Variants in USP9X observed in about 807,000 individuals in gnomAD.
USP9X encodes ubiquitin carboxyl-terminal hydrolase 9X.
A neutral mutation model predicts 190.3 loss-of-function variants in USP9X; 7 were observed. The ratio of observed to expected loss-of-function variants is 0.04; its 90% confidence interval spans 0.02 to 0.07. The LOEUF (loss-of-function observed/expected upper bound fraction) is 0.07. Among genes scored for constraint, USP9X ranks in the 10% least tolerant of loss-of-function variants. USP9X has a pLI of 1.00. For missense variants in USP9X, 1,010 were observed against 1,916.9 expected (o/e 0.53, Z 8.83); for synonymous variants, 645 against 659.5 (o/e 0.98, Z 0.34).
chrX:41,110,712 G>A (rs944874577), intron 1 of USP9X, among the ~76,000 whole-genome samples: 3 of 112,083 alleles, frequency 2.7e-5, no homozygotes, highest in Non-Finnish European at 5.6e-5. Context: ...TTTGAGGTGT[G>A]TCAACCTGGC....
rs73480436 is a variant in USP9X, at chrX:41,167,433, C to A, written c.2329-49C>A. ...ATATGGTTTGAATTTAAATGCCCAA[C>A]AAAAATATATGTTGAAAGGGATGAA... is the stretch of plus-strand genomic sequence containing the variant. On this transcript the variant is annotated intron_variant, in intron 16 of 44. Transcript: ENST00000378308. The A allele has an allele frequency of 1.7e-4, 177 of 1,066,797 alleles. No individual in the cohort carries two copies. The African/African-American group carries it at 3.1e-3, about 19-fold the overall frequency. The allele number at this position is 1,066,797 out of a possible 1,213,427, so 87.9% of individuals were successfully genotyped here. A position where few individuals can be genotyped will look rare whatever the true frequency, so the allele number is the denominator to read the frequency against.
At position 41,143,690 on chromosome X, in the gene USP9X, A is replaced by G. The variant is rs185448407; in HGVS notation, c.1314+247A>G. Reference sequence around the variant, plus strand: ...AGTGGTTTTAAATAAAGATGCAAACAGTAAAATCATAAGGAATGTCTATTG... The same window carrying G: ...AGTGGTTTTAAATAAAGATGCAAACGGTAAAATCATAAGGAATGTCTATTG... On this transcript the variant is annotated intron_variant, in intron 10 of 44. Transcript: ENST00000378308. Among the ~76,000 whole-genome samples the G allele has an allele frequency of 8.9e-5, 10 of 112,369 alleles. No individual in the cohort carries two copies. The East Asian group carries it at 2.8e-3, about 31-fold the overall frequency.
intron 14 of USP9X, among the ~76,000 whole-genome samples, chrX:41,162,281 A>T (rs1277676176): frequency 2.7e-5 from 3 of 112,463 alleles, no homozygotes; most frequent in African/African-American, 9.7e-5. Flanking sequence ...CACATTCTGG[A>T]CATTAACATG....
In USP9X at chrX:41,141,215, T is replaced by C. The variant is rs1256459138; in HGVS notation, c.1020T>C (p.Leu340=). ...NLEIFRLKMI[L]RLLQISSFNG... ...AAATATTTAGGTTAAAAATGATACTTAGGTAAGATACTTACCTCTTGAAAT... is the reference window on the plus strand; with the variant it reads ...AAATATTTAGGTTAAAAATGATACTCAGGTAAGATACTTACCTCTTGAAAT... The change falls in exon 8 of 45, where the codon CTT becomes CTC. Residue 340 remains leucine, a splice_region_variant and synonymous_variant. Coordinates refer to ENST00000378308, the MANE Select transcript of USP9X (RefSeq NM_001039591.3). The C allele has an allele frequency of 1.7e-6, 2 of 1,186,786 alleles. No homozygotes were observed. The highest frequency in any genetic ancestry group is 2.3e-6 in the Non-Finnish European group (2 of 883,290).
At chrX:41,215,862 A>G in intron 34 of USP9X, 37 bp from the exon 35 acceptor site, 3 of 1,144,398 alleles carry the variant, frequency 2.6e-6, no homozygotes, top group Non-Finnish European at 3.5e-6. Flanking sequence ...TGTGGATTTT[A>G]ATAGAACATC....
In USP9X at chrX:41,232,670, G is replaced by A. The variant is rs1404257511; in HGVS notation, c.*146G>A. The A allele has an allele frequency of 3.7e-6, 3 of 808,931 alleles. No homozygotes were observed. Among genetic ancestry groups the A allele is most frequent in the Non-Finnish European group, 5.1e-6 (3 of 587,579 alleles). The allele number at this position is 808,931 out of a possible 1,213,427, so 66.7% of individuals were successfully genotyped here. On this transcript the variant is annotated 3_prime_UTR_variant, in exon 45 of 45. Transcript: ENST00000378308. ...GAGTTTATTCACTGTCTTATCTGCAGAAATTTGCTGTCAATATATAACCCG... is the reference window on the plus strand; with the variant it reads ...GAGTTTATTCACTGTCTTATCTGCAAAAATTTGCTGTCAATATATAACCCG...
At chrX:41,163,109 A>C (rs182440653) in intron 15 of USP9X, among the ~76,000 whole-genome samples, 1 of 112,047 alleles carries the variant, frequency 8.9e-6, no homozygotes, top group African/African-American at 3.2e-5. Flanking sequence ...TTCGTTCTTC[A>C]TATCTGTTTA....
At chrX:41,221,474 T>G (rs1043947677) in intron 38 of USP9X, among the ~76,000 whole-genome samples, 1 of 110,619 alleles carries the variant, frequency 9.0e-6, no homozygotes, top group African/African-American at 3.3e-5. Flanking sequence ...CCTGAAGGGA[T>G]TTGGGGAGTG....
At chrX:41,152,255 G>GT (rs1390000746) in intron 13 of USP9X, among the ~76,000 whole-genome samples, 2 of 111,998 alleles carry the variant, frequency 1.8e-5, no homozygotes, top group African/African-American at 6.5e-5. Flanking sequence ...CATATTTTGA[G>GT]TATGTTTGGC....
At chrX:41,114,925 T>C (rs2062136057) in intron 1 of USP9X, among the ~76,000 whole-genome samples, 2 of 110,817 alleles carry the variant, frequency 1.8e-5, no homozygotes. Flanking sequence ...TTCTGAGGAA[T>C]CAAAAGTTAT....
chrX:41,186,560 C>A lies in USP9X; in HGVS notation c.3602C>A (p.Ala1201Asp). 1 of 1,210,609 alleles carries A rather than the reference C, an allele frequency of 8.3e-7. No individual in the cohort carries two copies. The highest frequency in any genetic ancestry group is 1.7e-5 in the African/African-American group (1 of 57,726). The change falls in exon 24 of 45, where the codon GCC becomes GAC. Residue 1201 changes from alanine to aspartate, a missense_variant. Coordinates refer to ENST00000378308, the MANE Select transcript of USP9X (RefSeq NM_001039591.3). ...GATCAAGCAGTGGTGCTACAAAGTG[C>A]CCTTCAGAGCATTCCTAATCCATCA... ...THDQAVVLQSALQSIPNPSSE... is the reference protein window; with the variant it reads ...THDQAVVLQSDLQSIPNPSSE...
At position 41,129,071 on chromosome X, in the gene USP9X, C is replaced by T. The variant is rs764502867; in HGVS notation, c.168C>T (p.Ala56=). 1 of 1,210,185 alleles carries T rather than the reference C, an allele frequency of 8.3e-7. No homozygotes were observed. Among genetic ancestry groups the T allele is most frequent in the Non-Finnish European group, 1.1e-6 (1 of 894,646 alleles). Residue 56 remains alanine (A), a synonymous_variant, in exon 3 of 45, where the codon GCC becomes GCT. Transcript: ENST00000378308. ...CAGATGAGCAAGGTCAAGGTGATGC[C>T]CCACCACAGCTTGAAGATGAGGAAC... ...TPPDEQGQGD[A]PPQLEDEEPA... is the part of the protein sequence containing the mutation.
chrX:41,232,196 T>A (rs1387780266), intron 44 of USP9X, among the ~76,000 whole-genome samples, 191 bp from the exon 45 acceptor site: 1 of 103,890 alleles, frequency 9.6e-6, no homozygotes, highest in Non-Finnish European at 2.0e-5. Flanking sequence ...GGGGTTTGCA[T>A]TTACACTACG....
At chrX:41,157,247 C>G (rs2239497) in intron 14 of USP9X, among the ~76,000 whole-genome samples, 22,519 of 110,479 alleles carry the variant, frequency 0.2, 1,788 homozygotes, top group East Asian at 0.41. Context: ...GGAAGACTTG[C>G]TGCATCCTTG....
At chrX:41,134,870 T>A in intron 5 of USP9X, 33 bp downstream of exon 5, 2 of 1,074,663 alleles carry the variant, frequency 1.9e-6, no homozygotes, top group Non-Finnish European at 2.6e-6. Flanking sequence ...AAGGATCAGA[T>A]TTACATAGTG....
chrX:41,143,223 A>T, intron 9 of USP9X, 68 bp from the exon 10 acceptor site: 1 of 788,551 alleles, frequency 1.3e-6, no homozygotes, highest in Non-Finnish European at 1.7e-6. Context: ...ATTTAATAAT[A>T]GTGTGAGCAA....
intron 6 of USP9X, 64 bp from the exon 7 acceptor site, chrX:41,140,591 CT>C (rs1224904240): frequency 4.4e-5 from 34 of 777,748 alleles, no homozygotes; most frequent in African/African-American, 2.8e-4. Context: ...TTCAATAAGG[CT>C]TTTTTTTCGT....
intron 35 of USP9X, 113 bp downstream of exon 35, chrX:41,216,765 G>A: frequency 1.1e-6 from 1 of 906,249 alleles, no homozygotes; most frequent in African/African-American, 2.0e-5. Flanking sequence ...CTAATTTGCT[G>A]GGTGTGGTGG....
chrX:41,123,612 T>C lies in USP9X; in HGVS notation c.-17T>C. 2 of 1,204,684 alleles carry C rather than the reference T, an allele frequency of 1.7e-6. No individual in the cohort carries two copies. Among genetic ancestry groups the C allele is most frequent in the Non-Finnish European group, 2.2e-6 (2 of 889,600 alleles). ...ACATAAGCAGACAAAATTGCAAAGA[T>C]CTGCCCTGTGTCGAGTATGACAGCC... On this transcript the variant is annotated 5_prime_UTR_variant, in exon 2 of 45. Transcript: ENST00000378308.
Sources: allele counts gnomAD v4.1 joint callset (sites outside exome capture counted in the v4.1 genomes callset), GRCh38; gene constraint gnomAD v4.1.1; transcripts MANE v1.5; gene names NCBI Gene and HGNC (gene_info 2026-07-23, HGNC 2026-07-21).